Variants in SLC36A1 observed in about 807,000 individuals in gnomAD.
SLC36A1 encodes proton-coupled amino acid transporter 1.
Under a neutral mutation model 47.5 loss-of-function variants are expected in SLC36A1, and 30 were observed. The ratio of observed to expected loss-of-function variants is 0.63; its 90% CI spans 0.47 to 0.86. SLC36A1 has a LOEUF of 0.86. Ranked by LOEUF, SLC36A1 falls within the 40% of genes least tolerant of loss-of-function variation. The pLI is 0.00. For missense variants in SLC36A1, 517 were observed against 606.0 expected (o/e 0.85, Z 1.54); for synonymous variants, 255 against 249.7 (o/e 1.02, Z -0.20).
At chr5:151,387,890 A>G in the SLC36A1 span, among the ~76,000 whole-genome samples, 1 of 152,246 alleles carries the variant, frequency 6.6e-6, no homozygotes, top group Admixed American at 6.5e-5. Context: ...AAGTCTCACT[A>G]GAAGGGTTTT....
chr5:151,553,046 T>G, the SLC36A1 span: 4 of 819,412 alleles, frequency 4.9e-6, no homozygotes, highest in African/African-American at 1.7e-5. Context: ...CAGTCCCCAC[T>G]CCGGGCTGAA....
chr5:151,453,395 T>C (rs1406850504), intron 1 of SLC36A1, among the ~76,000 whole-genome samples: 1 of 152,070 alleles, frequency 6.6e-6, no homozygotes, highest in Admixed American at 6.6e-5. Flanking sequence ...TCACAATTTT[T>C]TTGTTACCAG....
At chr5:151,428,206 T>C in the SLC36A1 span, among the ~76,000 whole-genome samples, 1 of 152,180 alleles carries the variant, frequency 6.6e-6, no homozygotes, top group Non-Finnish European at 1.5e-5. Context: ...TTCTGATATT[T>C]TTCTGCCTCA....
At chr5:151,345,933 A>T in the SLC36A1 span, among the ~76,000 whole-genome samples, 1 of 152,166 alleles carries the variant, frequency 6.6e-6, no homozygotes, top group Non-Finnish European at 1.5e-5. Context: ...ACTATCATTG[A>T]CAGAGGAGAA....
the SLC36A1 span, among the ~76,000 whole-genome samples, chr5:151,426,140 T>C: frequency 6.6e-6 from 1 of 152,218 alleles, no homozygotes; most frequent in Non-Finnish European, 1.5e-5. Context: ...TGCATGCTAT[T>C]CTGTTGGTTG....
chr5:151,519,656 C>T, the SLC36A1 span, among the ~76,000 whole-genome samples: 1 of 152,014 alleles, frequency 6.6e-6, no homozygotes, highest in African/African-American at 2.4e-5. Context: ...TTGATCTGGG[C>T]GTTGGCTACA....
chr5:151,520,956 C>T, the SLC36A1 span, among the ~76,000 whole-genome samples: 3 of 152,208 alleles, frequency 2.0e-5, no homozygotes, highest in Non-Finnish European at 2.9e-5. Flanking sequence ...TTCCTAAAGT[C>T]GCCTGGTTAG....
At chr5:151,361,754 T>C in the SLC36A1 span, among the ~76,000 whole-genome samples, 2 of 152,274 alleles carry the variant, frequency 1.3e-5, no homozygotes, top group Non-Finnish European at 2.9e-5. Flanking sequence ...GTATTTCTTA[T>C]AAGATGGGTC....
intron 8 of SLC36A1, among the ~76,000 whole-genome samples, chr5:151,474,812 A>T (rs986632008): frequency 6.6e-6 from 1 of 152,222 alleles, no homozygotes; most frequent in Admixed American, 6.5e-5. Flanking sequence ...TTCTCTGAAG[A>T]AAGTTATTCC....
At chr5:151,549,698 C>T in the SLC36A1 span, among the ~76,000 whole-genome samples, 1 of 152,084 alleles carries the variant, frequency 6.6e-6, no homozygotes, top group Admixed American at 6.6e-5. Context: ...GTCAATGATT[C>T]CTAGGCTCAG....
chr5:151,395,189 G>C, the SLC36A1 span, among the ~76,000 whole-genome samples: 1 of 152,234 alleles, frequency 6.6e-6, no homozygotes, highest in African/African-American at 2.4e-5. Context: ...CTCTGTGGGC[G>C]TGGGACCCTC....
chr5:151,545,718 T>G, the SLC36A1 span: 1 of 1,614,132 alleles, frequency 6.2e-7, no homozygotes, highest in Non-Finnish European at 8.5e-7. Context: ...GCTCCAAAAT[T>G]TTATAGACCA....
the SLC36A1 span, chr5:151,550,785 G>A: frequency 4.4e-5 from 71 of 1,613,932 alleles, no homozygotes; most frequent in African/African-American, 4.4e-4. Context: ...CCCCTGGCAC[G>A]GTGTCCTGGG....
At chr5:151,482,919 C>T (rs1177306676) in intron 10 of SLC36A1, among the ~76,000 whole-genome samples, 1 of 152,130 alleles carries the variant, frequency 6.6e-6, no homozygotes, top group African/African-American at 2.4e-5. Context: ...TGCCTGTAGT[C>T]CCAGCTACTT....
At chr5:151,393,239 GT>G in the SLC36A1 span, among the ~76,000 whole-genome samples, 1 of 151,628 alleles carries the variant, frequency 6.6e-6, no homozygotes, top group Admixed American at 6.6e-5. Flanking sequence ...GCCTTTTTTT[GT>G]TTTCCATTTG....
chr5:151,439,705 G>A (rs1667610126), intron 1 of SLC36A1, among the ~76,000 whole-genome samples: 1 of 151,548 alleles, frequency 6.6e-6, no homozygotes, highest in Non-Finnish European at 1.5e-5. Context: ...TAAAACAATA[G>A]CATGGCCTGA....
chr5:151,425,336 G>T, the SLC36A1 span: 1,664 of 152,450 alleles, frequency 0.011, 71 homozygotes, highest in East Asian at 0.14. Flanking sequence ...CATGGTTGGG[G>T]CAGGCTCAGG....
chr5:151,528,065 C>G, the SLC36A1 span: 1 of 1,614,218 alleles, frequency 6.2e-7, no homozygotes, highest in African/African-American at 1.3e-5. Context: ...AGTGCCCAAG[C>G]TGGTTCCCTC....
chr5:151,507,457 G>T, the SLC36A1 span: 1 of 1,614,030 alleles, frequency 6.2e-7, no homozygotes, highest in Non-Finnish European at 8.5e-7. Flanking sequence ...GACTTGCAAC[G>T]GCGGCAGTAG....
Sources: allele counts gnomAD v4.1 joint callset (sites outside exome capture counted in the v4.1 genomes callset), GRCh38; gene constraint gnomAD v4.1.1; transcripts MANE v1.5; gene names NCBI Gene and HGNC (gene_info 2026-07-23, HGNC 2026-07-21).